Variants in PTPRD observed in about 807,000 individuals in gnomAD.
PTPRD encodes receptor-type tyrosine-protein phosphatase delta.
A neutral mutation model predicts 214.5 loss-of-function variants in PTPRD; 34 were observed. That is an observed-to-expected ratio of 0.16 (90% CI 0.12 to 0.21). The LOEUF is 0.21. Among genes scored for constraint, PTPRD ranks in the 10% least tolerant of loss-of-function variants. PTPRD has a pLI of 1.00. For synonymous variants in PTPRD, 1,128 were observed against 845.7 expected (o/e 1.33, Z -5.79); for missense variants, 2,545 against 2,398.7 (o/e 1.06, Z -1.27).
At position 10,459,113 on chromosome 9, in the gene PTPRD, C is replaced by T. The variant is rs373485082; in HGVS notation, c.-599-118096G>A. 4.1e-4 allele frequency among the ~76,000 whole-genome samples: 62 copies of T among 152,204 alleles called. No individual in the cohort carries two copies. The South Asian group carries it at 0.011, about 27-fold the overall frequency. ...TCTCTCTGTGTCCCTGTGTTCTCAT[C>T]GTTCAGCTCCCACTCATGAGTAAGA... is the stretch of plus-strand genomic sequence containing the variant. On this transcript the variant is annotated intron_variant, in intron 2 of 45. Transcript: ENST00000381196.
chr9:9,194,632 G>C (rs2099937193), intron 9 of PTPRD, among the ~76,000 whole-genome samples: 1 of 152,148 alleles, frequency 6.6e-6, no homozygotes, highest in South Asian at 2.1e-4. Context: ...AGTAGAGACA[G>C]ACAAGAGGAA....
chr9:8,450,434 G>A (rs890160627), intron 33 of PTPRD, among the ~76,000 whole-genome samples: 2 of 151,180 alleles, frequency 1.3e-5, no homozygotes, highest in Non-Finnish European at 3.0e-5. Context: ...TCTTTCAAAT[G>A]TGAAGGAAAA....
chr9:8,531,696 A>AT (rs2139683112), intron 14 of PTPRD, among the ~76,000 whole-genome samples: 1 of 152,214 alleles, frequency 6.6e-6, no homozygotes, highest in African/African-American at 2.4e-5. Flanking sequence ...ATTTGCCTGC[A>AT]TAAATACTGC....
chr9:9,713,720 T>C (rs972277495), intron 7 of PTPRD, among the ~76,000 whole-genome samples: 4 of 152,114 alleles, frequency 2.6e-5, no homozygotes, highest in Non-Finnish European at 4.4e-5. Context: ...ATGCTTTTAT[T>C]ACAGGGACAG....
intron 10 of PTPRD, among the ~76,000 whole-genome samples, chr9:9,030,276 CTTTTTTTTTTTTTTTTTT>C (rs71317396): frequency 5.3e-5 from 2 of 37,926 alleles, no homozygotes; most frequent in East Asian, 1.3e-3. Flanking sequence ...CACACTTGGG[CTTTTTTTTTTTTTTTTTT>C]TTTTTTTTTT....
intron 11 of PTPRD, among the ~76,000 whole-genome samples, chr9:8,942,403 A>G (rs576172818): frequency 5.7e-4 from 87 of 152,298 alleles, no homozygotes; most frequent in African/African-American, 2.0e-3. Context: ...CGTAGTTGAC[A>G]TGGCCATTAC....
At chr9:9,835,136 T>C (rs2056365448) in intron 5 of PTPRD, among the ~76,000 whole-genome samples, 1 of 152,114 alleles carries the variant, frequency 6.6e-6, no homozygotes, top group African/African-American at 2.4e-5. Context: ...ATATCCTAGA[T>C]ATCTAAATTT....
intron 7 of PTPRD, among the ~76,000 whole-genome samples, chr9:9,729,347 G>A (rs926838469): frequency 5.9e-5 from 9 of 152,100 alleles, no homozygotes; most frequent in African/African-American, 2.2e-4. Flanking sequence ...TGCAGAGGAA[G>A]AGAAAGACTG....
intron 9 of PTPRD, among the ~76,000 whole-genome samples, chr9:9,304,833 C>T (rs1439101449): frequency 6.6e-6 from 1 of 151,060 alleles, no homozygotes; most frequent in African/African-American, 2.4e-5. Context: ...AATCTCCACC[C>T]TCCAACGTTC....
chr9:10,046,388 C>A (rs951941273), intron 3 of PTPRD, among the ~76,000 whole-genome samples: 3 of 151,782 alleles, frequency 2.0e-5, no homozygotes, highest in African/African-American at 7.2e-5. Flanking sequence ...ATTATAGCCA[C>A]AATATTCAAA....
At position 8,654,284 on chromosome 9, in the gene PTPRD, AT is replaced by A. The variant is rs562632741; in HGVS notation, c.65-17441del. Among the ~76,000 whole-genome samples, 185 of 152,252 alleles carry A rather than the reference AT, an allele frequency of 1.2e-3. 2 individuals are homozygous for A. The highest frequency in any genetic ancestry group is 4.3e-3 in the African/African-American group (179 of 41,550). On this transcript the variant is annotated intron_variant, in intron 12 of 45. Coordinates refer to ENST00000381196, the MANE Select transcript of PTPRD (RefSeq NM_002839.4). Reference sequence around the variant, plus strand: ...TGGTACTGCTCTATTCCATTTAAATATTTTAATTTCTGCACATTTCACCTAG... The same window carrying A: ...TGGTACTGCTCTATTCCATTTAAATATTTAATTTCTGCACATTTCACCTAG...
chr9:9,665,958 AATAAATT>A (rs1477719945), intron 7 of PTPRD, among the ~76,000 whole-genome samples: 20 of 151,938 alleles, frequency 1.3e-4, no homozygotes, highest in African/African-American at 4.8e-4. Context: ...AGAGGAAAGG[AATAAATT>A]ATAAAGATAT....
At chr9:10,122,357 A>G (rs539280651) in intron 3 of PTPRD, among the ~76,000 whole-genome samples, 2 of 152,312 alleles carry the variant, frequency 1.3e-5, no homozygotes, top group South Asian at 2.1e-4. Flanking sequence ...ATGAAATACC[A>G]CATTTAGAAA....
intron 8 of PTPRD, among the ~76,000 whole-genome samples, chr9:9,482,562 A>G (rs2095463116): frequency 6.6e-6 from 1 of 152,206 alleles, no homozygotes; most frequent in South Asian, 2.1e-4. Context: ...AAGAAGCATC[A>G]CAAGTAAGCA....
chr9:9,797,216 A>T (rs969251221), intron 5 of PTPRD, among the ~76,000 whole-genome samples: 5 of 148,794 alleles, frequency 3.4e-5, no homozygotes, highest in Non-Finnish European at 5.9e-5. Flanking sequence ...CAAAATAGTA[A>T]TACCCTAGGT....
chr9:9,316,108 T>C (rs961308037), intron 9 of PTPRD, among the ~76,000 whole-genome samples: 2 of 152,000 alleles, frequency 1.3e-5, no homozygotes, highest in Non-Finnish European at 2.9e-5. Context: ...TAGGATGTGC[T>C]TGCTTGAAAA....
rs370856243 is a variant in PTPRD at position 10,510,624 on chromosome 9, T to C, written c.-600+101774A>G. ...ACATTTATGGAGTACACATTATATT[T>C]TAACATGAGCATGCAAGGTGTAATG... On this transcript the variant is annotated intron_variant, in intron 2 of 45. Transcript: ENST00000381196. Among the ~76,000 whole-genome samples, 5 of 152,284 alleles carry C rather than the reference T, an allele frequency of 3.3e-5. No homozygotes were observed. In the East Asian group the frequency reaches 7.7e-4, roughly 24 times the overall value.
intron 33 of PTPRD, among the ~76,000 whole-genome samples, chr9:8,452,309 CTTA>C (rs750041629): frequency 3.0e-4 from 46 of 152,284 alleles, no homozygotes; most frequent in South Asian, 6.2e-4. Context: ...TTTTTAAACA[CTTA>C]TTATGTGATG....
intron 5 of PTPRD, among the ~76,000 whole-genome samples, chr9:9,782,446 T>C (rs1001866323): frequency 6.6e-6 from 1 of 152,208 alleles, no homozygotes; most frequent in South Asian, 2.1e-4. Flanking sequence ...TAAATGATTA[T>C]TGAGAATCAT....
Sources: allele counts gnomAD v4.1 joint callset (sites outside exome capture counted in the v4.1 genomes callset), GRCh38; gene constraint gnomAD v4.1.1; transcripts MANE v1.5; gene names NCBI Gene and HGNC (gene_info 2026-07-23, HGNC 2026-07-21).